The following RIOK2 variants were observed in gnomAD, a reference collection of about 807,000 sequenced individuals.
The protein encoded by RIOK2 is RIO kinase 2.
In RIOK2, 46 loss-of-function variants were observed where a neutral mutation model predicts 62.4. That is an observed-to-expected ratio of 0.74 (90% CI 0.58 to 0.94). RIOK2 has a LOEUF of 0.94. Ranked by LOEUF, RIOK2 falls within the 40% of genes least tolerant of loss-of-function variation. RIOK2 has a pLI of 0.00. For synonymous variants in RIOK2, 197 were observed against 216.0 expected (o/e 0.91, Z 0.77); for missense variants, 574 against 658.0 (o/e 0.87, Z 1.40).
At position 97,167,854 on chromosome 5, in the gene RIOK2, G is replaced by C; in HGVS notation, c.1010C>G (p.Ser337Ter). 6.2e-7 allele frequency: 1 copy of C among 1,613,972 alleles called. No homozygotes were observed. The highest frequency in any genetic ancestry group is 1.1e-5 in the South Asian group (1 of 91,086). ...ETKEGSEFSFSDGEVAEKAEV... is the reference protein window; with the variant it reads ...ETKEGSEFSF ...TGCTTTTTCTGCCACTTCTCCATCT[G>C]AAAATGAGAATTCAGATCCCTCTTT... Residue 337 changes from serine to a stop codon, truncating the protein, a stop_gained, in exon 8 of 10, where the codon TCA (serine) becomes TGA (stop). Transcript: ENST00000283109. LOFTEE classifies it high-confidence loss of function.
At chr5:97,172,376 G>A (rs1749033894) in intron 5 of RIOK2, among the ~76,000 whole-genome samples, 1 of 151,982 alleles carries the variant, frequency 6.6e-6, no homozygotes, top group South Asian at 2.1e-4. Flanking sequence ...TGCTACTCAG[G>A]GGAAAAACCT....
Position 97,171,219 on chromosome 5 carries a change from G to C in RIOK2, c.766C>G (p.Pro256Ala), listed in dbSNP as rs149699226. The C allele has an allele frequency of 1.5e-5, 24 of 1,566,334 alleles. No homozygotes were observed. The African/African-American group carries it at 3.1e-4, about 21-fold the overall frequency. The change falls in exon 6 of 10, where the codon CCC (proline) becomes GCC (alanine). Residue 256 changes from proline to alanine, a missense_variant. By Grantham distance (27) the Pro-to-Ala change is conservative. Coordinates refer to ENST00000283109, the MANE Select transcript of RIOK2 (RefSeq NM_018343.3). Reference sequence around the variant, plus strand: ...GCAAGTACGTACCACTCAGCATTGGGATGAGAAGTTGAAACCATCTGTGGA... The same window carrying C: ...GCAAGTACGTACCACTCAGCATTGGCATGAGAAGTTGAAACCATCTGTGGA... The part of the protein sequence containing the change: ...DFPQMVSTSH[P>A]NAEWYFDRDV...
intron 4 of RIOK2, among the ~76,000 whole-genome samples, chr5:97,176,636 A>G (rs1468354308): frequency 6.6e-6 from 1 of 152,124 alleles, no homozygotes; most frequent in East Asian, 1.9e-4. Flanking sequence ...GCACCCAGCC[A>G]ATTTTTACCA....
At chr5:97,168,346 A>C (rs1748903259) in intron 7 of RIOK2, among the ~76,000 whole-genome samples, 1 of 152,222 alleles carries the variant, frequency 6.6e-6, no homozygotes, top group African/African-American at 2.4e-5. Flanking sequence ...TAAGTGTATA[A>C]AATAAATATG....
Position 97,173,226 on chromosome 5 carries a change from A to G in RIOK2, c.536T>C (p.Ile179Thr). The G allele has an allele frequency of 6.2e-7, 1 of 1,613,466 alleles. No homozygotes were observed. The highest frequency in any genetic ancestry group is 1.3e-5 in the African/African-American group (1 of 75,046). Residue 179 changes from isoleucine (I) to threonine (T), a missense_variant, in exon 5 of 10, where the codon ATT (isoleucine) becomes ACT (threonine). Ile to Thr is a moderately conservative substitution (Grantham distance 89). Transcript: ENST00000283109. ...GACCACTGCATGACGATTGTAATCAATTGGCTTTGGAACTGGAAATTTCCT... is the reference window on the plus strand; with the variant it reads ...GACCACTGCATGACGATTGTAATCAGTTGGCTTTGGAACTGGAAATTTCCT... The part of the protein sequence containing the change: ...YERKFPVPKP[I>T]DYNRHAVVME...
Position 97,167,679 on chromosome 5 carries a change from T to C in RIOK2, c.1185A>G (p.Glu395=). ...TTATTTCTTCTAAAGCTTGATTGAA[T>C]TCAGTCATTTCAAAACTCCGTGCAT... is the stretch of plus-strand genomic sequence containing the variant. ...SADARSFEMT[E]FNQALEEIKG... Residue 395 remains glutamate, a synonymous_variant, in exon 8 of 10, where the codon GAA becomes GAG. Transcript: ENST00000283109. The C allele has an allele frequency of 6.2e-7, 1 of 1,614,212 alleles. No homozygotes were observed. Among genetic ancestry groups the C allele is most frequent in the Non-Finnish European group, 8.5e-7 (1 of 1,180,014 alleles).
In RIOK2 at chr5:97,163,002, A is replaced by C; in HGVS notation, c.*59T>G. The C allele has an allele frequency of 7.1e-7, 1 of 1,406,980 alleles. No individual in the cohort carries two copies. Among genetic ancestry groups the C allele is most frequent in the South Asian group, 1.3e-5 (1 of 76,586 alleles). 87.2% of individuals were successfully genotyped at this position (1,406,980 alleles called of 1,614,324 possible). ...GCTCAAAAAAGACAAATGAGGGCTC[A>C]AAAAGGAATTACAGTAACTTTAAAA... On this transcript the variant is annotated 3_prime_UTR_variant, in exon 10 of 10. Transcript: ENST00000283109.
At chr5:97,168,465 T>C (rs1748907017) in intron 7 of RIOK2, among the ~76,000 whole-genome samples, 1 of 152,186 alleles carries the variant, frequency 6.6e-6, no homozygotes, top group Admixed American at 6.5e-5. Flanking sequence ...GAATGTTTGG[T>C]GTTATTCCTT....
chr5:97,166,149 T>G (rs1296625317), intron 8 of RIOK2: 2 of 297,558 alleles, frequency 6.7e-6, no homozygotes, highest in Admixed American at 8.3e-5. Context: ...GGTCTCTAGC[T>G]TGTTGACTAC....
At chr5:97,166,614 A>G in intron 8 of RIOK2, 1 of 336,982 alleles carries the variant, frequency 3.0e-6, no homozygotes, top group Non-Finnish European at 4.3e-6. Context: ...ACTTTTCCTA[A>G]TCTAAGCTGA....
intron 1 of RIOK2, 34 bp downstream of exon 1, chr5:97,183,092 G>A (rs200040303): frequency 6.2e-7 from 1 of 1,611,154 alleles, no homozygotes; most frequent in East Asian, 2.2e-5. Context: ...ACAGTGTTAA[G>A]GGGAAGGGAG....
chr5:97,176,870 T>C, intron 4 of RIOK2: 1 of 397,738 alleles, frequency 2.5e-6, no homozygotes, highest in Admixed American at 4.3e-5. Flanking sequence ...CTCTTTCATC[T>C]TGTCAGCATT....
At chr5:97,180,893 T>A (rs1467231314) in intron 1 of RIOK2, among the ~76,000 whole-genome samples, 6 of 152,100 alleles carry the variant, frequency 3.9e-5, no homozygotes, top group East Asian at 1.9e-4. Flanking sequence ...TATTATTTTT[T>A]TTTTTTATAG....
Position 97,163,213 on chromosome 5 carries a change from G to T in RIOK2, c.1507C>A (p.Gln503Lys), listed in dbSNP as rs764014992. 2 of 1,612,974 alleles carry T rather than the reference G, an allele frequency of 1.2e-6. No individual in the cohort carries two copies. Among genetic ancestry groups the T allele is most frequent in the East Asian group, 2.2e-5 (1 of 44,786 alleles). The change falls in exon 10 of 10, where the codon CAG becomes AAG. Residue 503 changes from glutamine to lysine, a missense_variant. Physicochemically the swap from Gln to Lys is moderately conservative, Grantham distance 53 (BLOSUM62 1). Transcript: ENST00000283109. ...TTTGTCAACTGACGTTTCACCTTCT[G>T]TTTCACCAGTTCCTGGAAAGATTTC... ...CSTIPPELVKQKVKRQLTKQQ... is the reference protein window; with the variant it reads ...CSTIPPELVKKKVKRQLTKQQ...
intron 2 of RIOK2, among the ~76,000 whole-genome samples, chr5:97,178,578 T>TGCA (rs1749240563): frequency 6.7e-6 from 1 of 149,130 alleles, no homozygotes; most frequent in South Asian, 2.2e-4. Context: ...CGTGCTCTTC[T>TGCA]GTACTCTACA....
intron 8 of RIOK2, among the ~76,000 whole-genome samples, chr5:97,165,592 T>C (rs1226968984): frequency 1.3e-5 from 2 of 152,320 alleles, no homozygotes; most frequent in East Asian, 1.9e-4. Flanking sequence ...ATCTGCAACC[T>C]AGAGACTAAT....
intron 2 of RIOK2, chr5:97,178,707 G>GTACTCTACCTGCTCTTCTGCAA (rs1749249277): frequency 9.4e-6 from 3 of 318,428 alleles, no homozygotes; most frequent in South Asian, 2.7e-5. Flanking sequence ...CTCTTCTGCA[G>GTACTCTACCTGCTCTTCTGCAA]TACCTACGTG....
rs202047971 is a variant in RIOK2, at chr5:97,171,424, G to A, written c.588-27C>T. 3.3e-5 allele frequency: 47 copies of A among 1,439,346 alleles called. No homozygotes were observed. In the South Asian group the frequency reaches 6.0e-4, roughly 18 times the overall value. The allele number at this position is 1,439,346 out of a possible 1,614,324, so 89.2% of individuals were successfully genotyped here. ...TGAAAGTATTTTAAGCATGAAAATAGGTTACTTGTGTTCATTTACGGTTTT... is the reference window on the plus strand; with the variant it reads ...TGAAAGTATTTTAAGCATGAAAATAAGTTACTTGTGTTCATTTACGGTTTT... On this transcript the variant is annotated intron_variant, in intron 5 of 9. Transcript: ENST00000283109.
rs1749192908 is a variant in RIOK2, at chr5:97,177,218, A to C, written c.396T>G (p.Phe132Leu). Residue 132 changes from phenylalanine (F) to leucine (L), a missense_variant, in exon 4 of 10, where the codon TTT becomes TTG. Transcript: ENST00000283109. The part of the protein sequence containing the change: ...LKLHRLGRTS[F>L]RNLKNKRDYH... ...AATCGCGTTTGTTTTTCAAATTTCG[A>C]AACGAGGTTCTTCCTAGTCTGTGAA... The C allele has an allele frequency of 1.2e-6, 2 of 1,613,640 alleles. No individual in the cohort carries two copies. Among genetic ancestry groups the C allele is most frequent in the East Asian group, 2.2e-5 (1 of 44,822 alleles).
Sources: gnomAD v4.1 joint callset for allele counts (sites outside exome capture counted in the v4.1 genomes callset) on GRCh38, gnomAD v4.1.1 for gene constraint, MANE v1.5 for transcripts, NCBI Gene and HGNC (gene_info 2026-07-23, HGNC 2026-07-21) for gene names.